PSPC1: variants seen among roughly 807,000 people sequenced by gnomAD.
PSPC1 encodes paraspeckle component 1, also known as paraspeckle protein 1.
Under a neutral mutation model 51.6 loss-of-function variants are expected in PSPC1, and 14 were observed. The observed-to-expected ratio is 0.27, with a 90% CI of 0.18 to 0.42. The LOEUF (loss-of-function observed/expected upper bound fraction) is 0.42. Ranked by LOEUF, PSPC1 falls within the 10% of genes least tolerant of loss-of-function variation. PSPC1 has a pLI of 1.00. For synonymous variants in PSPC1, 193 were observed against 231.9 expected (o/e 0.83, Z 1.53); for missense variants, 406 against 701.1 (o/e 0.58, Z 4.75).
At chr13:19,755,023 A>G (rs1886928110) in intron 3 of PSPC1, among the ~76,000 whole-genome samples, 1 of 152,090 alleles carries the variant, frequency 6.6e-6, no homozygotes. Flanking sequence ...GCTTGAGCCC[A>G]GGAGTTCGAG....
chr13:19,781,145 CAAA>C (rs531065939), intron 1 of PSPC1, among the ~76,000 whole-genome samples: 368 of 70,678 alleles, frequency 5.2e-3, no homozygotes, highest in African/African-American at 0.015. Flanking sequence ...GACCCAGTCT[CAAA>C]AAAAAAAAAA....
At chr13:19,762,656 G>A (rs1026405633) in intron 2 of PSPC1, among the ~76,000 whole-genome samples, 6 of 152,146 alleles carry the variant, frequency 3.9e-5, no homozygotes, top group Non-Finnish European at 7.4e-5. Context: ...AATTACTTAA[G>A]GGACTGTGTC....
intron 6 of PSPC1, among the ~76,000 whole-genome samples, chr13:19,683,907 A>C (rs1043483233): frequency 1.3e-5 from 2 of 152,220 alleles, no homozygotes; most frequent in African/African-American, 4.8e-5. Flanking sequence ...GAAGTTCAGC[A>C]AAGACTCATA....
intron 7 of PSPC1, among the ~76,000 whole-genome samples, chr13:19,708,555 C>G (rs1490001147): frequency 1.3e-5 from 2 of 152,100 alleles, no homozygotes; most frequent in East Asian, 3.8e-4. Flanking sequence ...GCATTATTTC[C>G]CTTGCAACTT....
At chr13:19,760,371 T>A (rs1014118523) in intron 2 of PSPC1, among the ~76,000 whole-genome samples, 1 of 151,848 alleles carries the variant, frequency 6.6e-6, no homozygotes, top group African/African-American at 2.4e-5. Context: ...CTACTAAAAC[T>A]ACAAAATTTA....
chr13:19,706,805 T>G (rs2137751163), intron 7 of PSPC1, among the ~76,000 whole-genome samples: 1 of 152,300 alleles, frequency 6.6e-6, no homozygotes, highest in Non-Finnish European at 1.5e-5. Flanking sequence ...GAACTCAATT[T>G]CTCAAATATA....
At chr13:19,734,100 T>C (rs1253456597) in intron 5 of PSPC1, among the ~76,000 whole-genome samples, 1 of 152,174 alleles carries the variant, frequency 6.6e-6, no homozygotes, top group Non-Finnish European at 1.5e-5. Context: ...AATGACAGCA[T>C]ACAGAAACAT....
intron 6 of PSPC1, among the ~76,000 whole-genome samples, chr13:19,723,720 T>C (rs1883045202): frequency 2.0e-5 from 3 of 152,212 alleles, no homozygotes; most frequent in African/African-American, 4.8e-5. Flanking sequence ...TACAAACTTA[T>C]ATATATGTTT....
chr13:19,730,474 C>A, intron 5 of PSPC1, 130 bp from the exon 6 acceptor site: 1 of 754,614 alleles, frequency 1.3e-6, no homozygotes, highest in South Asian at 1.8e-5. Context: ...CTGACCACGG[C>A]ATCCTAAATT....
chr13:19,775,681 G>C (rs1278118549), intron 1 of PSPC1, among the ~76,000 whole-genome samples: 2 of 152,102 alleles, frequency 1.3e-5, no homozygotes, highest in African/African-American at 4.8e-5. Context: ...CACCTAAAAA[G>C]AGATGGGTAC....
chr13:19,727,405 TA>T (rs543334319), intron 6 of PSPC1, among the ~76,000 whole-genome samples: 2,263 of 138,734 alleles, frequency 0.016, 54 homozygotes, highest in African/African-American at 0.056. Flanking sequence ...AATAAATAAA[TA>T]AAAAAAAAAA....
At chr13:19,750,654 C>T (rs1259086205) in intron 4 of PSPC1, among the ~76,000 whole-genome samples, 2 of 152,064 alleles carry the variant, frequency 1.3e-5, no homozygotes, top group African/African-American at 4.8e-5. Context: ...GCCATGTCTA[C>T]CTACCAAAAT....
chr13:19,780,324 AT>A (rs1889810272), intron 1 of PSPC1, among the ~76,000 whole-genome samples: 1 of 129,930 alleles, frequency 7.7e-6, no homozygotes, highest in African/African-American at 2.7e-5. Flanking sequence ...CCAACAGCTC[AT>A]TGAGAACGGG....
chr13:19,736,881 C>T (rs1226927279), intron 5 of PSPC1: 1 of 152,016 alleles, frequency 6.6e-6, no homozygotes, highest in Admixed American at 6.6e-5. Context: ...ATAGACATTA[C>T]TAAAATTTCA....
At chr13:19,697,441 T>G (rs566865044) in intron 6 of PSPC1, among the ~76,000 whole-genome samples, 1 of 152,334 alleles carries the variant, frequency 6.6e-6, no homozygotes, top group South Asian at 2.1e-4. Flanking sequence ...GTCCCCTTGA[T>G]ACATGCTGTT....
At chr13:19,756,925 C>T (rs971652138) in intron 3 of PSPC1, among the ~76,000 whole-genome samples, 2 of 151,676 alleles carry the variant, frequency 1.3e-5, no homozygotes, top group Admixed American at 6.6e-5. Flanking sequence ...GTCAGGAAAT[C>T]GAGACCATCC....
rs560582319 is a variant in PSPC1 at position 19,768,900 on chromosome 13, C to A, written c.674+3342G>T. Among the ~76,000 whole-genome samples, 34 of 150,066 alleles carry A rather than the reference C, an allele frequency of 2.3e-4. 1 individual carries two copies. In the East Asian group the frequency reaches 4.7e-3, roughly 21 times the overall value. ...CTGTAATCCCAGCGCTTAGGGAAAC[C>A]GAAGCAGGTGGATCACTTGAGGCCA... On this transcript the variant is annotated intron_variant, in intron 2 of 8. Coordinates refer to ENST00000338910, the MANE Select transcript of PSPC1 (RefSeq NM_001354909.2).
At chr13:19,762,155 T>C (rs1235595227) in intron 2 of PSPC1, among the ~76,000 whole-genome samples, 2 of 152,224 alleles carry the variant, frequency 1.3e-5, no homozygotes, top group African/African-American at 4.8e-5. Context: ...TACAGATTTC[T>C]AAGAGGGAAC....
At chr13:19,718,989 G>C (rs1882450108) in intron 6 of PSPC1, among the ~76,000 whole-genome samples, 1 of 152,058 alleles carries the variant, frequency 6.6e-6, no homozygotes, top group Non-Finnish European at 1.5e-5. Flanking sequence ...GAGAAGCAGA[G>C]CACAGATTTT....
Sources: gnomAD v4.1 joint callset for allele counts (sites outside exome capture counted in the v4.1 genomes callset) on GRCh38, gnomAD v4.1.1 for gene constraint, MANE v1.5 for transcripts, NCBI Gene and HGNC (gene_info 2026-07-23, HGNC 2026-07-21) for gene names.